Variants in ADARB1 observed in about 807,000 individuals in gnomAD.
ADARB1 encodes the protein double-stranded RNA-specific editase 1.
ADARB1 carries 10 observed loss-of-function variants against 52.4 expected under a neutral mutation model. That is an observed-to-expected ratio of 0.19 (90% confidence interval 0.12 to 0.32). ADARB1 has a LOEUF of 0.32. Ranked by LOEUF, ADARB1 falls within the 10% of genes least tolerant of loss-of-function variation. The probability of loss-of-function intolerance (pLI) is 1.00; values close to 1 mark genes in which losing one functional copy is unlikely to be tolerated. For synonymous variants in ADARB1, 349 were observed against 371.1 expected (o/e 0.94, Z 0.68); for missense variants, 643 against 922.3 (o/e 0.70, Z 3.92).
rs900473770 is a variant in ADARB1 at position 45,128,786 on chromosome 21, GCCTGCTGCCCTCCAGTGGCATGTGTGGCA to G, written c.-48+244_-48+272del. Among the ~76,000 whole-genome samples, 13 of 152,190 alleles carry G rather than the reference GCCTGCTGCCCTCCAGTGGCATGTGTGGCA, an allele frequency of 8.5e-5. No homozygotes were observed. The South Asian group carries it at 1.2e-3, about 15-fold the overall frequency. On this transcript the variant is annotated intron_variant, in intron 2 of 10. Coordinates refer to ENST00000348831, the MANE Select transcript of ADARB1 (RefSeq NM_001112.4). The surrounding 1 kb of genome is among the most constrained non-coding windows in gnomAD (Gnocchi z 4.6). ...TCCCTCCTGCTTGTTCTGGGGTGGT[GCCTGCTGCCCTCCAGTGGCATGTGTGGCA>G]CCTGCTGCCCTCCAGTGGCATGTGT...
chr21:45,145,684 A>G (rs964659597), intron 2 of ADARB1: 1 of 152,286 alleles, frequency 6.6e-6, no homozygotes, highest in Non-Finnish European at 1.5e-5. Flanking sequence ...GAGAAAGCAC[A>G]GAACAACTGC....
At chr21:45,212,558 G>A (rs1248941685) in intron 9 of ADARB1, among the ~76,000 whole-genome samples, 2 of 152,166 alleles carry the variant, frequency 1.3e-5, no homozygotes, top group Non-Finnish European at 2.9e-5. Context: ...ACCAGTGCCT[G>A]TGATGAGGCC....
chr21:45,169,114 C>T (rs1429970214), intron 2 of ADARB1, among the ~76,000 whole-genome samples: 4 of 152,204 alleles, frequency 2.6e-5, no homozygotes, highest in Non-Finnish European at 5.9e-5. Context: ...CGGCTAGCGT[C>T]GTTTCTACCA....
chr21:45,091,161 A>G (rs1235316142), intron 1 of ADARB1, among the ~76,000 whole-genome samples: 7 of 152,200 alleles, frequency 4.6e-5, no homozygotes, highest in East Asian at 3.8e-4. Flanking sequence ...ATGTTCTGCT[A>G]TGTCTTTAAG....
chr21:45,077,659 G>T (rs1305505097), intron 1 of ADARB1, among the ~76,000 whole-genome samples: 1 of 149,964 alleles, frequency 6.7e-6, no homozygotes, highest in African/African-American at 2.5e-5. Flanking sequence ...AGAGCGAGAC[G>T]CCGTCTAAAA....
chr21:45,145,021 T>C (rs2089938345), intron 2 of ADARB1: 1 of 180,012 alleles, frequency 5.6e-6, no homozygotes, highest in Non-Finnish European at 1.2e-5. Context: ...AGAACAAATA[T>C]CAAACAGGAT....
chr21:45,117,135 C>G (rs907924671), intron 1 of ADARB1: 3 of 152,174 alleles, frequency 2.0e-5, no homozygotes, highest in African/African-American at 2.4e-5. Context: ...AAGTAGACAG[C>G]CTTGCATTTC....
At chr21:45,111,162 C>A (rs188877932) in intron 1 of ADARB1, among the ~76,000 whole-genome samples, 7 of 152,348 alleles carry the variant, frequency 4.6e-5, no homozygotes, top group Admixed American at 4.6e-4. Context: ...GCTGCAGTCC[C>A]TGAAGGCTTC....
intron 4 of ADARB1, among the ~76,000 whole-genome samples, chr21:45,179,756 G>A (rs148785566): frequency 2.7e-4 from 41 of 152,218 alleles, no homozygotes; most frequent in African/African-American, 8.7e-4. Flanking sequence ...GAAGCCTCTC[G>A]GTGGCGCCTT....
At chr21:45,130,496 G>T (rs750956833) in intron 2 of ADARB1, among the ~76,000 whole-genome samples, 10 of 152,314 alleles carry the variant, frequency 6.6e-5, no homozygotes, top group African/African-American at 2.4e-4. Flanking sequence ...AATAGAAATC[G>T]TGTATTTCCT....
At chr21:45,190,023 A>G (rs1448065207) in intron 8 of ADARB1, among the ~76,000 whole-genome samples, 2 of 152,110 alleles carry the variant, frequency 1.3e-5, no homozygotes, top group Admixed American at 6.5e-5. Flanking sequence ...TATTTCTTCA[A>G]ATAAGCTCTT....
chr21:45,206,560 C>CTTTTT lies in ADARB1; in HGVS notation c.1747+1851_1747+1855dup, dbSNP rs71199660. 3.8e-4 allele frequency among the ~76,000 whole-genome samples: 21 copies of CTTTTT among 54,960 alleles called. 1 individual carries two copies. The highest frequency in any genetic ancestry group is 4.5e-4 in the African/African-American group (6 of 13,264). The allele number at this position is 54,960 out of a possible 152,430, so 36.1% of individuals were successfully genotyped here. A position where few individuals can be genotyped will look rare whatever the true frequency, so the allele number is the denominator to read the frequency against. On this transcript the variant is annotated intron_variant, in intron 9 of 10. Transcript: ENST00000348831. ...TTTCCTCCTCAATATCTTCTCTGGT[C>CTTTTT]TTTTTTTTTTTTTTTTTTTTTTTTT...
At position 45,222,224 on chromosome 21, in the gene ADARB1, G is replaced by T; in HGVS notation, c.*27G>T. ...CCGGGCAGACATGATGGGGGGTGCA[G>T]GGGGCTGTGGGCATCCAGCGTCATC... On this transcript the variant is annotated 3_prime_UTR_variant, in exon 11 of 11. Coordinates refer to ENST00000348831, the MANE Select transcript of ADARB1 (RefSeq NM_001112.4). 1 of 1,525,364 alleles carries T rather than the reference G, an allele frequency of 6.6e-7. No homozygotes were observed. Among genetic ancestry groups the T allele is most frequent in the Non-Finnish European group, 8.8e-7 (1 of 1,141,504 alleles). 94.5% of individuals were successfully genotyped at this position (1,525,364 alleles called of 1,614,324 possible). A position where few individuals can be genotyped will look rare whatever the true frequency, so the allele number is the denominator to read the frequency against.
chr21:45,153,637 A>C (rs2090415308), intron 2 of ADARB1, among the ~76,000 whole-genome samples: 1 of 152,224 alleles, frequency 6.6e-6, no homozygotes, highest in Admixed American at 6.5e-5. Flanking sequence ...CAAAGTCAGC[A>C]ATCTTGTAAT....
chr21:45,224,171 G>A lies in ADARB1; in HGVS notation c.*1974G>A. 1 of 985,486 alleles carries A rather than the reference G, an allele frequency of 1.0e-6. No individual in the cohort carries two copies. Among genetic ancestry groups the A allele is most frequent in the Non-Finnish European group, 1.2e-6 (1 of 829,960 alleles). The allele number at this position is 985,486 out of a possible 1,614,324, so 61.0% of individuals were successfully genotyped here. A position where few individuals can be genotyped will look rare whatever the true frequency, so the allele number is the denominator to read the frequency against. On this transcript the variant is annotated 3_prime_UTR_variant, in exon 11 of 11. Coordinates refer to ENST00000348831, the MANE Select transcript of ADARB1 (RefSeq NM_001112.4). ...TATTTTTTTCTAATGGGGATTGGGA[G>A]ATGGACTTCGTTTTTAAAAATATGT... is the stretch of plus-strand genomic sequence containing the variant.
At chr21:45,209,014 C>A (rs572423667) in intron 9 of ADARB1, among the ~76,000 whole-genome samples, 1 of 152,246 alleles carries the variant, frequency 6.6e-6, no homozygotes, top group South Asian at 2.1e-4. Context: ...GTGGGAAGTT[C>A]TAAATCTTAT....
intron 1 of ADARB1, among the ~76,000 whole-genome samples, chr21:45,096,709 CTG>C (rs1268475128): frequency 2.6e-5 from 4 of 152,222 alleles, no homozygotes; most frequent in Non-Finnish European, 5.9e-5. Flanking sequence ...GAGGGAACCT[CTG>C]GGGAAGCCAG....
intron 1 of ADARB1, among the ~76,000 whole-genome samples, chr21:45,124,593 A>T (rs2088440510): frequency 6.6e-6 from 1 of 151,980 alleles, no homozygotes; most frequent in Admixed American, 6.5e-5. Flanking sequence ...GCCAGGACTG[A>T]TCTTGAATTC....
intron 1 of ADARB1, among the ~76,000 whole-genome samples, chr21:45,121,902 C>T (rs965712975): frequency 1.3e-5 from 2 of 152,238 alleles, no homozygotes; most frequent in African/African-American, 4.8e-5. Flanking sequence ...TGTATCCCCT[C>T]CTCTCGGGCC....
Sources: gnomAD v4.1 joint callset for allele counts (sites outside exome capture counted in the v4.1 genomes callset) on GRCh38, gnomAD v4.1.1 for gene constraint, Gnocchi (gnomAD v3.1) non-coding constraint, MANE v1.5 for transcripts, NCBI Gene and HGNC (gene_info 2026-07-23, HGNC 2026-07-21) for gene names.